The following KDM4C variants were observed in gnomAD, a reference collection of about 807,000 sequenced individuals.
The protein encoded by KDM4C is lysine demethylase 4C.
Under a neutral mutation model 129.3 loss-of-function variants are expected in KDM4C, and 81 were observed. The ratio of observed to expected loss-of-function variants is 0.63; its 90% confidence interval spans 0.52 to 0.75. The LOEUF is 0.75. Ranked by LOEUF, KDM4C falls within the 30% of genes least tolerant of loss-of-function variation. The pLI is 0.00. For missense variants in KDM4C, 1,457 were observed against 1,304.0 expected, an observed-to-expected ratio of 1.12 and a Z score of -1.81; for synonymous variants, 573 against 456.1, an observed-to-expected ratio of 1.26 and a Z score of -3.26.
intron 1 of KDM4C, among the ~76,000 whole-genome samples, chr9:6,722,513 A>G (rs930598767): frequency 2.3e-5 from 3 of 131,766 alleles, no homozygotes; most frequent in South Asian, 2.2e-4. Flanking sequence ...CCCTATGTCT[A>G]TATATTTTTT....
intron 13 of KDM4C, among the ~76,000 whole-genome samples, chr9:7,012,841 A>G (rs1822955029): frequency 6.6e-6 from 1 of 152,220 alleles, no homozygotes; most frequent in South Asian, 2.1e-4. Flanking sequence ...TTTTATTTAT[A>G]GAAACAAATA....
At chr9:6,949,869 AT>A (rs961532936) in intron 8 of KDM4C, among the ~76,000 whole-genome samples, 1 of 151,680 alleles carries the variant, frequency 6.6e-6, no homozygotes, top group Non-Finnish European at 1.5e-5. Flanking sequence ...GAGAGGGACC[AT>A]TTTTTTTGTT....
intron 4 of KDM4C, among the ~76,000 whole-genome samples, chr9:6,829,526 C>G (rs1277810674): frequency 1.3e-5 from 2 of 152,176 alleles, no homozygotes; most frequent in Non-Finnish European, 2.9e-5. Context: ...TGGAGATCAT[C>G]TGGTATAATA....
intron 5 of KDM4C, among the ~76,000 whole-genome samples, chr9:6,876,576 C>G (rs568849780): frequency 6.6e-6 from 1 of 152,174 alleles, no homozygotes; most frequent in African/African-American, 2.4e-5. Flanking sequence ...TTCTTTCTTT[C>G]TCTCTCTTCT....
At chr9:6,806,155 C>T (rs768776134) in intron 3 of KDM4C, among the ~76,000 whole-genome samples, 1 of 152,150 alleles carries the variant, frequency 6.6e-6, no homozygotes, top group Non-Finnish European at 1.5e-5. Context: ...CCTTGAATGA[C>T]TTGAAAGGCC....
At chr9:6,806,660 G>A (rs1391569328) in intron 3 of KDM4C, among the ~76,000 whole-genome samples, 1 of 152,070 alleles carries the variant, frequency 6.6e-6, no homozygotes, top group African/African-American at 2.4e-5. Flanking sequence ...AGTCATCTGA[G>A]CATTTAATTG....
At chr9:7,106,856 G>A (rs955864872) in intron 18 of KDM4C, among the ~76,000 whole-genome samples, 1 of 151,668 alleles carries the variant, frequency 6.6e-6, no homozygotes, top group East Asian at 1.9e-4. Context: ...AAATTATTTT[G>A]AATAATTGTA....
chr9:6,847,400 T>G (rs60449774), intron 4 of KDM4C, among the ~76,000 whole-genome samples: 19,376 of 151,972 alleles, frequency 0.13, 1,617 homozygotes, highest in African/African-American at 0.23. Flanking sequence ...GATCTTCTCT[T>G]TTTTTGTTTT....
At chr9:6,770,768 T>TTTTTTTTTTTTTTTTTTTC (rs1821640702) in intron 1 of KDM4C, among the ~76,000 whole-genome samples, 1 of 109,442 alleles carries the variant, frequency 9.1e-6, no homozygotes, top group Admixed American at 8.4e-5. Context: ...ATTTTGATCC[T>TTTTTTTTTTTTTTTTTTTC]TTTTTTTTTT....
chr9:7,161,565 A>G (rs907863313), intron 19 of KDM4C, among the ~76,000 whole-genome samples: 83 of 152,220 alleles, frequency 5.5e-4, no homozygotes, highest in Admixed American at 5.4e-3. Context: ...GCCCTCATAG[A>G]TCTCCCCCCT....
chr9:6,914,030 T>C (rs1047155545), intron 8 of KDM4C, among the ~76,000 whole-genome samples: 19 of 152,220 alleles, frequency 1.2e-4, no homozygotes, highest in Admixed American at 1.1e-3. Context: ...AGCCTGAGAC[T>C]GTTATTTGTT....
intron 8 of KDM4C, among the ~76,000 whole-genome samples, chr9:6,974,454 G>A (rs867078346): frequency 5.2e-4 from 79 of 152,180 alleles, no homozygotes; most frequent in Middle Eastern, 6.3e-3. Flanking sequence ...ACGCCTCTTG[G>A]GTTCAAGCAG....
intron 2 of KDM4C, among the ~76,000 whole-genome samples, chr9:6,798,934 C>G (rs1052946003): frequency 4.4e-4 from 66 of 151,578 alleles, no homozygotes; most frequent in African/African-American, 1.4e-3. Context: ...GGGTCGCGGT[C>G]GGGTCGAGGC....
At position 6,798,256 on chromosome 9, in the gene KDM4C, CTT is replaced by C. The variant is rs71315565; in HGVS notation, c.144+5137_144+5138del. Reference sequence around the variant, plus strand: ...AAGCAACTTCCTTTTTTCTTTCTTTCTTTTTTTTTTTTTTATTGATCATTCTT... The same window carrying C: ...AAGCAACTTCCTTTTTTCTTTCTTTCTTTTTTTTTTTTATTGATCATTCTT... On this transcript the variant is annotated intron_variant, in intron 2 of 21. Transcript: ENST00000381309. Among the ~76,000 whole-genome samples, 658 of 141,934 alleles carry C rather than the reference CTT, an allele frequency of 4.6e-3. 1 individual carries two copies. The highest frequency in any genetic ancestry group is 6.7e-3 in the Non-Finnish European group (437 of 64,952). 93.1% of individuals were successfully genotyped at this position (141,934 alleles called of 152,430 possible).
chr9:7,135,676 A>G (rs1841126834), intron 19 of KDM4C, among the ~76,000 whole-genome samples: 1 of 152,208 alleles, frequency 6.6e-6, no homozygotes, highest in African/African-American at 2.4e-5. Flanking sequence ...GAGGAGTGAC[A>G]TGGATGTTCT....
At chr9:6,845,325 C>T (rs1837662830) in intron 4 of KDM4C, among the ~76,000 whole-genome samples, 2 of 152,138 alleles carry the variant, frequency 1.3e-5, no homozygotes, top group African/African-American at 2.4e-5. Context: ...ATTGATCCTC[C>T]CATCTCAGCC....
At chr9:6,988,991 C>G (rs181167449) in intron 11 of KDM4C, among the ~76,000 whole-genome samples, 3 of 152,216 alleles carry the variant, frequency 2.0e-5, no homozygotes, top group South Asian at 2.1e-4. Flanking sequence ...TTCCCTTACC[C>G]CTCTATAATC....
intron 3 of KDM4C, among the ~76,000 whole-genome samples, chr9:6,812,121 C>T (rs1055767106): frequency 6.6e-6 from 1 of 151,746 alleles, no homozygotes; most frequent in Non-Finnish European, 1.5e-5. Flanking sequence ...CCTGTAATTC[C>T]AGCTACTCGG....
At chr9:7,101,735 A>G (rs201628338) in intron 17 of KDM4C, among the ~76,000 whole-genome samples, 6 of 152,182 alleles carry the variant, frequency 3.9e-5, no homozygotes, top group African/African-American at 1.2e-4. Context: ...GGAGATACCA[A>G]TGCTTTAATT....
Sources: gnomAD v4.1 joint callset for allele counts (sites outside exome capture counted in the v4.1 genomes callset) on GRCh38, gnomAD v4.1.1 for gene constraint, MANE v1.5 for transcripts, NCBI Gene and HGNC (gene_info 2026-07-23, HGNC 2026-07-21) for gene names.